HLF: variants seen among roughly 807,000 people sequenced by gnomAD.
The protein encoded by HLF is hepatic leukemia factor.
HLF carries 3 observed loss-of-function variants against 22.6 expected under a neutral mutation model. The ratio of observed to expected loss-of-function variants is 0.13; its 90% CI spans 0.06 to 0.34. HLF has a LOEUF of 0.34. HLF is among the 10% of genes least tolerant of loss of function. HLF has a pLI of 1.00. For missense variants in HLF, 299 were observed against 389.2 expected (o/e 0.77, Z 1.95); for synonymous variants, 151 against 151.8 (o/e 0.99, Z 0.04).
chr17:55,311,982 T>C (rs1009167782), intron 2 of HLF, among the ~76,000 whole-genome samples: 1 of 152,262 alleles, frequency 6.6e-6, no homozygotes, highest in African/African-American at 2.4e-5. Flanking sequence ...TCTGTGTTGC[T>C]GCAAGGGGCA....
chr17:55,325,024 TGTTA>T lies in HLF; in HGVS notation c.*4146_*4149del, dbSNP rs1300377811. The T allele has an allele frequency of 4.9e-5, 11 of 224,132 alleles. No homozygotes were observed. Among genetic ancestry groups the T allele is most frequent in the Admixed American group, 1.7e-4 (3 of 17,450 alleles). The allele number at this position is 224,132 out of a possible 1,614,324, so 13.9% of individuals were successfully genotyped here. Reference sequence around the variant, plus strand: ...TGTTAAGTCCAAACCTTTATCTGTCTGTTATTCTTAATGTTGAATAAACTTTGAA... The same window carrying T: ...TGTTAAGTCCAAACCTTTATCTGTCTTTCTTAATGTTGAATAAACTTTGAA... On this transcript the variant is annotated 3_prime_UTR_variant, in exon 4 of 4. Coordinates refer to ENST00000226067, the MANE Select transcript of HLF (RefSeq NM_002126.5).
At chr17:55,285,106 T>G in intron 2 of HLF, among the ~76,000 whole-genome samples, 1 of 152,158 alleles carries the variant, frequency 6.6e-6, no homozygotes, top group East Asian at 1.9e-4. Context: ...ATGGCTGCCC[T>G]CGTTCATAGA....
intron 2 of HLF, among the ~76,000 whole-genome samples, chr17:55,299,428 C>G (rs925171248): frequency 1.3e-5 from 2 of 152,114 alleles, no homozygotes; most frequent in East Asian, 1.9e-4. Context: ...CATACACTCT[C>G]CAGACATGAA....
intron 3 of HLF, chr17:55,318,844 T>A (rs1298874927): frequency 6.6e-6 from 1 of 152,628 alleles, no homozygotes; most frequent in Non-Finnish European, 1.5e-5. Context: ...TGTTGTTAAC[T>A]GGAGGCTTCA....
At chr17:55,282,572 A>T (rs1448472182) in intron 2 of HLF, among the ~76,000 whole-genome samples, 1 of 152,224 alleles carries the variant, frequency 6.6e-6, no homozygotes, top group Non-Finnish European at 1.5e-5. Flanking sequence ...TCCAAAGAGC[A>T]CTGAACTTGG....
chr17:55,289,171 C>T (rs2081035429), intron 2 of HLF, among the ~76,000 whole-genome samples: 2 of 152,144 alleles, frequency 1.3e-5, no homozygotes, highest in Non-Finnish European at 2.9e-5. Context: ...GGCATGTCTC[C>T]CCATGCCAGC....
At chr17:55,280,430 G>T (rs562966266) in intron 2 of HLF, among the ~76,000 whole-genome samples, 1 of 152,324 alleles carries the variant, frequency 6.6e-6, no homozygotes, top group African/African-American at 2.4e-5. Context: ...TGCTCTGTGA[G>T]CCCTGGCTGT....
intron 2 of HLF, among the ~76,000 whole-genome samples, chr17:55,297,549 T>TGAATAAC (rs2081120765): frequency 2.0e-5 from 3 of 151,882 alleles, no homozygotes; most frequent in Non-Finnish European, 4.4e-5. Context: ...TTATTGCTCT[T>TGAATAAC]CTTTACTGCC....
At chr17:55,289,656 C>A (rs1394407110) in intron 2 of HLF, among the ~76,000 whole-genome samples, 1 of 152,270 alleles carries the variant, frequency 6.6e-6, no homozygotes, top group African/African-American at 2.4e-5. Flanking sequence ...TGGCAAACAT[C>A]CTTATTCTTA....
chr17:55,299,344 C>T (rs1598401977), intron 2 of HLF, among the ~76,000 whole-genome samples: 1 of 152,196 alleles, frequency 6.6e-6, no homozygotes, highest in Non-Finnish European at 1.5e-5. Context: ...TGGTGCCGAT[C>T]GTAGGCTGTT....
intron 2 of HLF, among the ~76,000 whole-genome samples, chr17:55,268,637 T>G (rs895431653): frequency 6.6e-6 from 1 of 152,134 alleles, no homozygotes; most frequent in Non-Finnish European, 1.5e-5. Flanking sequence ...AGCTGAGAAG[T>G]AGAATCTAAA....
At chr17:55,275,920 T>C (rs1259508727) in intron 2 of HLF, among the ~76,000 whole-genome samples, 2 of 152,136 alleles carry the variant, frequency 1.3e-5, no homozygotes, top group Admixed American at 1.3e-4. Context: ...CTGGGCAACA[T>C]AGCAAGACCC....
In HLF at chr17:55,320,700, A is replaced by G; in HGVS notation, c.709A>G (p.Met237Val). 1.9e-6 allele frequency: 3 copies of G among 1,614,172 alleles called. No homozygotes were observed. The highest frequency in any genetic ancestry group is 1.7e-6 in the Non-Finnish European group (2 of 1,180,008). ...CTGGGCAAGGCGCAGAAAGAACAACATGGCAGCCAAGCGCTCCCGCGACGC... is the reference window on the plus strand; with the variant it reads ...CTGGGCAAGGCGCAGAAAGAACAACGTGGCAGCCAAGCGCTCCCGCGACGC... ...KYWARRRKNN[M>V]AAKRSRDARR... Residue 237 changes from methionine to valine, a missense_variant, in exon 4 of 4, where the codon ATG (methionine) becomes GTG (valine). By Grantham distance (21) the Met-to-Val change is conservative. Around this residue, in one of 3 missense-constraint regions of HLF, gnomAD observed 224 missense variants for 298.1 expected, o/e 0.75. Coordinates refer to ENST00000226067, the MANE Select transcript of HLF (RefSeq NM_002126.5). The surrounding 1 kb of genome is among the most constrained non-coding windows in gnomAD (Gnocchi z 4.2).
rs188151997 is a variant in HLF, at chr17:55,267,583, C to T, written c.116-168C>T. The T allele has an allele frequency of 2.5e-5, 14 of 556,410 alleles. 1 individual carries two copies. Among genetic ancestry groups the T allele is most frequent in the East Asian group, 1.2e-4 (4 of 33,010 alleles). 34.5% of individuals were successfully genotyped at this position (556,410 alleles called of 1,614,324 possible). A position where few individuals can be genotyped will look rare whatever the true frequency, so the allele number is the denominator to read the frequency against. ...ATGTTGAAAAACAGGCAGAGATCCA[C>T]GTCCTGCCTGAACTTTTAACTCTAG... On this transcript the variant is annotated intron_variant, in intron 1 of 3. Transcript: ENST00000226067.
intron 2 of HLF, among the ~76,000 whole-genome samples, chr17:55,290,611 C>T (rs1461531128): frequency 6.6e-6 from 1 of 152,172 alleles, no homozygotes; most frequent in Non-Finnish European, 1.5e-5. Context: ...TCTCCCTCTC[C>T]TTGGGATTCC....
chr17:55,284,054 C>T (rs2080978452), intron 2 of HLF: 1 of 152,218 alleles, frequency 6.6e-6, no homozygotes, highest in Admixed American at 6.5e-5. Context: ...GATCTGCTTT[C>T]CTGGTAAGGT....
chr17:55,291,352 G>C (rs1035202832), intron 2 of HLF, among the ~76,000 whole-genome samples: 1 of 152,218 alleles, frequency 6.6e-6, no homozygotes, highest in South Asian at 2.1e-4. Flanking sequence ...GTGACTTTAA[G>C]TTGAAGCCAG....
intron 2 of HLF, among the ~76,000 whole-genome samples, chr17:55,292,666 G>T (rs1217900248): frequency 6.6e-6 from 1 of 152,128 alleles, no homozygotes; most frequent in East Asian, 1.9e-4. Flanking sequence ...ATAGAAATCA[G>T]TCTTTCAAAG....
At chr17:55,315,610 C>A (rs189391743) in intron 3 of HLF, among the ~76,000 whole-genome samples, 163 bp downstream of exon 3, 7 of 152,264 alleles carry the variant, frequency 4.6e-5, no homozygotes, top group African/African-American at 1.7e-4. Flanking sequence ...TGTTTCCTCT[C>A]TGGGTATTTT....
Sources: gnomAD v4.1 joint callset for allele counts (sites outside exome capture counted in the v4.1 genomes callset) on GRCh38, gnomAD v4.1.1 for gene constraint, gnomAD v4.1.1 regional missense constraint, Gnocchi (gnomAD v3.1) non-coding constraint, MANE v1.5 for transcripts, NCBI Gene and HGNC (gene_info 2026-07-23, HGNC 2026-07-21) for gene names.